CACNA1A: variants seen among roughly 807,000 people sequenced by gnomAD.
The protein encoded by CACNA1A is voltage-dependent P/Q-type calcium channel subunit alpha-1A.
A neutral mutation model predicts 262.4 loss-of-function variants in CACNA1A; 57 were observed. The ratio of observed to expected loss-of-function variants is 0.22; its 90% CI spans 0.18 to 0.27. CACNA1A has a LOEUF of 0.27. CACNA1A is among the 10% of genes least tolerant of loss of function. The probability of loss-of-function intolerance (pLI) is 1.00; values close to 1 mark genes in which losing one functional copy is unlikely to be tolerated. For missense variants in CACNA1A, 2,526 were observed against 3,562.8 expected, an observed-to-expected ratio of 0.71 and a Z score of 7.41; for synonymous variants, 1,431 against 1,419.3, an observed-to-expected ratio of 1.01 and a Z score of -0.18.
intron 24 of CACNA1A, chr19:13,271,885 T>C (rs899355107): frequency 6.6e-6 from 1 of 151,878 alleles, no homozygotes; most frequent in African/African-American, 2.4e-5. Context: ...TGCCTCAGCC[T>C]CCCGAGTAGC....
At chr19:13,362,457 C>G (rs1346746185) in intron 5 of CACNA1A, 1 of 152,258 alleles carries the variant, frequency 6.6e-6, no homozygotes, top group African/African-American at 2.4e-5. Context: ...CCTGCCTCGG[C>G]CTCCCAAAGT....
chr19:13,331,189 C>T (rs533384229), intron 9 of CACNA1A, among the ~76,000 whole-genome samples: 2 of 152,228 alleles, frequency 1.3e-5, no homozygotes, highest in South Asian at 2.1e-4. Context: ...TTTTATTTCC[C>T]TCAAATCTCT....
rs10425336 is a variant in CACNA1A, at chr19:13,311,608, C to T, written c.1668+1061G>A. ...ATCCCAGCACTTTGGGAGGCCAAGG[C>T]GGGTGGATCACGAGGTCAGGAGATC... is the stretch of plus-strand genomic sequence containing the variant. On this transcript the variant is annotated intron_variant, in intron 12 of 46. Transcript: ENST00000360228. 5.0e-3 allele frequency among the ~76,000 whole-genome samples: 768 copies of T among 152,184 alleles called. 9 individuals carry two copies. The highest frequency in any genetic ancestry group is 0.017 in the African/African-American group (714 of 41,528).
intron 2 of CACNA1A, among the ~76,000 whole-genome samples, chr19:13,453,945 GTT>G (rs1175611213): frequency 6.6e-6 from 1 of 151,956 alleles, no homozygotes; most frequent in African/African-American, 2.4e-5. Flanking sequence ...GCTAGTTATA[GTT>G]TTTAGAAGAC....
chr19:13,241,426 T>A lies in CACNA1A; in HGVS notation c.4950+3756A>T, dbSNP rs1260622478. 2.4e-6 allele frequency: 2 copies of A among 822,622 alleles called. No homozygotes were observed. Among genetic ancestry groups the A allele is most frequent in the African/African-American group, 3.4e-5 (2 of 59,362 alleles). The allele number at this position is 822,622 out of a possible 1,614,324, so 51.0% of individuals were successfully genotyped here. A position where few individuals can be genotyped will look rare whatever the true frequency, so the allele number is the denominator to read the frequency against. On this transcript the variant is annotated intron_variant, in intron 31 of 46. Transcript: ENST00000360228. This position sits in a 1 kb window ranked among gnomAD's most constrained non-coding sequence, Gnocchi z 4.0. Reference sequence around the variant, plus strand: ...TGAGGAGAGCGTCAGGCATCCCACGTTGGAGAGGCAGGGTGTGGCATGCAA... The same window carrying A: ...TGAGGAGAGCGTCAGGCATCCCACGATGGAGAGGCAGGGTGTGGCATGCAA...
chr19:13,387,245 T>C (rs544672279), intron 3 of CACNA1A, among the ~76,000 whole-genome samples: 9 of 152,286 alleles, frequency 5.9e-5, no homozygotes, highest in South Asian at 2.1e-4. Context: ...CATGAGCCAC[T>C]GCGCCCGGCC....
intron 1 of CACNA1A, among the ~76,000 whole-genome samples, chr19:13,498,289 G>A (rs1196125437): frequency 2.6e-5 from 4 of 152,052 alleles, no homozygotes; most frequent in Non-Finnish European, 5.9e-5. Context: ...GTAACATCCA[G>A]ACTTCGCCCT....
intron 31 of CACNA1A, 115 bp from the exon 32 acceptor site, chr19:13,235,845 C>A: frequency 1.5e-6 from 1 of 658,916 alleles, no homozygotes; most frequent in Non-Finnish European, 2.7e-6. Flanking sequence ...GCAAGCCAGA[C>A]CCCAAATAAG....
intron 4 of CACNA1A, among the ~76,000 whole-genome samples, chr19:13,367,035 C>G (rs1182190499): frequency 1.3e-5 from 2 of 152,156 alleles, no homozygotes; most frequent in African/African-American, 4.8e-5. Context: ...CGGTTCACGC[C>G]TCTAATCCCA....
At chr19:13,346,548 A>G (rs1376976051) in intron 6 of CACNA1A, among the ~76,000 whole-genome samples, 2 of 145,760 alleles carry the variant, frequency 1.4e-5, no homozygotes, top group Admixed American at 7.0e-5. Context: ...TTGTTGCTTT[A>G]TTAATTGACA....
Position 13,368,765 on chromosome 19 carries a change from G to A in CACNA1A, c.631+2923C>T, listed in dbSNP as rs1426872940. 2.3e-5 allele frequency among the ~76,000 whole-genome samples: 3 copies of A among 129,192 alleles called. No homozygotes were observed. In the South Asian group the frequency reaches 6.3e-4, roughly 27 times the overall value. 84.8% of individuals were successfully genotyped at this position (129,192 alleles called of 152,430 possible). A position where few individuals can be genotyped will look rare whatever the true frequency, so the allele number is the denominator to read the frequency against. Reference sequence around the variant, plus strand: ...AATGTAATGTGGGTGCTGGCCGGGCGCGGTGGCTCACGCCTGTAATCCCAG... The same window carrying A: ...AATGTAATGTGGGTGCTGGCCGGGCACGGTGGCTCACGCCTGTAATCCCAG... On this transcript the variant is annotated intron_variant, in intron 4 of 46. Coordinates refer to ENST00000360228, the MANE Select transcript of CACNA1A (RefSeq NM_001127222.2).
intron 3 of CACNA1A, among the ~76,000 whole-genome samples, chr19:13,442,829 G>A (rs547058510): frequency 6.6e-6 from 1 of 152,288 alleles, no homozygotes; most frequent in Admixed American, 6.5e-5. Context: ...GGAGGGGAAG[G>A]AAGGATCACC....
intron 31 of CACNA1A, chr19:13,243,549 T>TTTTC (rs61489503): frequency 0.47 from 56,906 of 119,918 alleles, 11,059 homozygotes; most frequent in East Asian, 0.71. Context: ...TGAAGATCAG[T>TTTTC]TTTCTTTCTT....
At position 13,317,133 on chromosome 19, in the gene CACNA1A, C is replaced by CACAAA; in HGVS notation, c.1533_1534insTTTGT (p.Glu512PhefsTer17). The CACAAA allele has an allele frequency of 6.2e-7, 1 of 1,606,926 alleles. No homozygotes were observed. The highest frequency in any genetic ancestry group is 8.5e-7 in the Non-Finnish European group (1 of 1,174,146). The stretch of plus-strand genomic sequence containing the variant: ...TCACAAAGGAAGTCGGAGAGCCACT[C>CACAAA]GGGCTGGTTGTAGTGAACAATAGCA... On this transcript the variant is annotated frameshift_variant, in exon 11 of 47. Transcript: ENST00000360228. LOFTEE classifies it high-confidence loss of function.
intron 3 of CACNA1A, among the ~76,000 whole-genome samples, chr19:13,412,286 C>G (rs527408694): frequency 3.3e-5 from 5 of 152,094 alleles, no homozygotes; most frequent in Non-Finnish European, 5.9e-5. Flanking sequence ...ACTTGAACTC[C>G]TGGGCTCAAG....
chr19:13,286,935 C>T lies in CACNA1A; in HGVS notation c.3121G>A (p.Gly1041Ser), dbSNP rs1289889675. The change falls in exon 20 of 47, where the codon GGC becomes AGC. Residue 1041 changes from glycine (G) to serine (S), a missense_variant. Physicochemically the swap from Gly to Ser is moderately conservative, Grantham distance 56. Transcript: ENST00000360228. ...ENQGSGVPVS[G>S]PNLSTTRPIQ... ...GGCCGGGTGGTTGACAGGTTGGGGC[C>T]CGACACAGGGACCCCGGAGCCCTGG... The T allele has an allele frequency of 6.2e-7, 1 of 1,608,816 alleles. No individual in the cohort carries two copies. The highest frequency in any genetic ancestry group is 1.7e-5 in the Admixed American group (1 of 59,708).
intron 3 of CACNA1A, among the ~76,000 whole-genome samples, chr19:13,388,789 C>T (rs1356660306): frequency 6.6e-6 from 1 of 152,180 alleles, no homozygotes; most frequent in Non-Finnish European, 1.5e-5. Flanking sequence ...AGTGCATTCT[C>T]GCAAAAACAC....
chr19:13,235,701 G>A lies in CACNA1A; in HGVS notation c.4980C>T (p.Arg1660=). 2 of 1,613,814 alleles carry A rather than the reference G, an allele frequency of 1.2e-6. No homozygotes were observed. Among genetic ancestry groups the A allele is most frequent in the Non-Finnish European group, 1.7e-6 (2 of 1,179,784 alleles). Reference sequence around the variant, plus strand: ...TGATGAGCCGGGCAGCTCGGAAGAGGCGGAGAAAGCTCAGGTTGATGAAGT... The same window carrying A: ...TGATGAGCCGGGCAGCTCGGAAGAGACGGAGAAAGCTCAGGTTGATGAAGT... ...GNNFINLSFL[R]LFRAARLIKL... is the part of the protein sequence containing the mutation. Residue 1660 remains arginine, a synonymous_variant, in exon 32 of 47, where the codon CGC becomes CGT. Coordinates refer to ENST00000360228, the MANE Select transcript of CACNA1A (RefSeq NM_001127222.2).
chr19:13,245,347 G>A lies in CACNA1A; in HGVS notation c.4867-82C>T. ...CTAGGCTGGCCGGGTGCATGTTAGA[G>A]GCACAGTTGCCCATCAGCGGAGTGC... is the stretch of plus-strand genomic sequence containing the variant. On this transcript the variant is annotated intron_variant, in intron 30 of 46. Coordinates refer to ENST00000360228, the MANE Select transcript of CACNA1A (RefSeq NM_001127222.2). 3.8e-6 allele frequency: 4 copies of A among 1,051,388 alleles called. No individual in the cohort carries two copies. In the East Asian group the frequency reaches 9.5e-5, roughly 25 times the overall value. The allele number at this position is 1,051,388 out of a possible 1,614,324, so 65.1% of individuals were successfully genotyped here. A position where few individuals can be genotyped will look rare whatever the true frequency, so the allele number is the denominator to read the frequency against.
Sources: gnomAD v4.1 joint callset for allele counts (sites outside exome capture counted in the v4.1 genomes callset) on GRCh38, gnomAD v4.1.1 for gene constraint, Gnocchi (gnomAD v3.1) non-coding constraint, MANE v1.5 for transcripts, NCBI Gene and HGNC (gene_info 2026-07-23, HGNC 2026-07-21) for gene names.